The following ANO4 variants were observed in gnomAD, a reference collection of about 807,000 sequenced individuals.
ANO4 encodes the protein anoctamin 4.
In ANO4, 69 loss-of-function variants were observed where a neutral mutation model predicts 141.9. That is an observed-to-expected ratio of 0.49 (90% CI 0.40 to 0.59). The LOEUF is 0.59. Among genes scored for constraint, ANO4 ranks in the 20% least tolerant of loss-of-function variants. ANO4 has a pLI of 0.00. For synonymous variants in ANO4, 350 were observed against 394.3 expected, an observed-to-expected ratio of 0.89 and a Z score of 1.33; for missense variants, 894 against 1,162.2, an observed-to-expected ratio of 0.77 and a Z score of 3.36.
At chr12:100,911,967 C>T (rs537933463) in intron 2 of ANO4, among the ~76,000 whole-genome samples, 2 of 152,228 alleles carry the variant, frequency 1.3e-5, no homozygotes, top group Admixed American at 1.3e-4. Context: ...AATTTTTCTC[C>T]TGCATTTCAT....
At chr12:101,089,681 G>A (rs1157979781) in intron 17 of ANO4, among the ~76,000 whole-genome samples, 1 of 152,152 alleles carries the variant, frequency 6.6e-6, no homozygotes, top group African/African-American at 2.4e-5. Context: ...TGCCTGTGTG[G>A]CATGGGCAAA....
chr12:100,750,340 C>T (rs1453015111), intron 3 of ANO4, among the ~76,000 whole-genome samples: 5 of 143,128 alleles, frequency 3.5e-5, no homozygotes, highest in African/African-American at 5.3e-5. Flanking sequence ...GACAGGGTTT[C>T]GTCATGTTGG....
At chr12:101,028,833 C>T (rs1270247038) in intron 9 of ANO4, among the ~76,000 whole-genome samples, 1 of 152,084 alleles carries the variant, frequency 6.6e-6, no homozygotes, top group African/African-American at 2.4e-5. Context: ...ACAGAGAACA[C>T]CACTAAAGTA....
chr12:101,110,589 A>T, intron 23 of ANO4, 33 bp downstream of exon 23: 2 of 1,504,308 alleles, frequency 1.3e-6, no homozygotes, highest in South Asian at 1.4e-5. Flanking sequence ...TTTAAAAAAC[A>T]TATTAAACAT....
chr12:101,089,515 A>G (rs2136916626), intron 17 of ANO4, among the ~76,000 whole-genome samples: 1 of 152,250 alleles, frequency 6.6e-6, no homozygotes, highest in African/African-American at 2.4e-5. Context: ...TACACATTGT[A>G]GGTAGAGAGT....
intron 12 of ANO4, 149 bp from the exon 13 acceptor site, chr12:101,043,390 T>G: frequency 1.8e-6 from 1 of 566,768 alleles, no homozygotes; most frequent in Non-Finnish European, 3.1e-6. Context: ...GGCAAGAACT[T>G]GTTTACATTA....
chr12:100,874,491 A>G (rs1029603863), intron 1 of ANO4, among the ~76,000 whole-genome samples: 35 of 152,050 alleles, frequency 2.3e-4, no homozygotes, highest in African/African-American at 8.5e-4. Context: ...GTCAAAGGAG[A>G]TTATTTTGGA....
In ANO4 at chr12:100,806,527, T is replaced by TC. The variant is rs2035052286; in HGVS notation, c.-141+11500_-141+11501insC. 1.8e-4 allele frequency among the ~76,000 whole-genome samples: 5 copies of TC among 28,016 alleles called. 1 individual carries two copies. Among genetic ancestry groups the TC allele is most frequent in the African/African-American group, 9.8e-4 (4 of 4,086 alleles). The allele number at this position is 28,016 out of a possible 152,430, so 18.4% of individuals were successfully genotyped here. A position where few individuals can be genotyped will look rare whatever the true frequency, so the allele number is the denominator to read the frequency against. On this transcript the variant is annotated intron_variant, in intron 1 of 27. Transcript: ENST00000392977. ...TAGGAGGTTTTTTTTTTGTTTCGTT[T>TC]TTTTTTTTTTTTTTTTTTTTTTTTT...
intron 3 of ANO4, among the ~76,000 whole-genome samples, chr12:100,929,083 A>G (rs2041988537): frequency 6.6e-6 from 1 of 152,144 alleles, no homozygotes; most frequent in African/African-American, 2.4e-5. Flanking sequence ...TAAATGGGGT[A>G]TCCACCACCT....
intron 2 of ANO4, among the ~76,000 whole-genome samples, chr12:100,919,777 T>TATC (rs2041546249): frequency 6.6e-6 from 1 of 150,688 alleles, no homozygotes; most frequent in South Asian, 2.1e-4. Context: ...TCTATCTATC[T>TATC]ATCTAATCTA....
chr12:100,785,295 T>C (rs537564388), intron 3 of ANO4, among the ~76,000 whole-genome samples: 2 of 152,192 alleles, frequency 1.3e-5, no homozygotes, highest in East Asian at 3.9e-4. Context: ...CTTGGTATGG[T>C]ATATTCTATG....
chr12:100,844,566 A>G (rs1246257401), intron 1 of ANO4, among the ~76,000 whole-genome samples: 5 of 152,132 alleles, frequency 3.3e-5, no homozygotes, highest in Non-Finnish European at 7.3e-5. Context: ...CTGAAGTGAC[A>G]GGAACTCCCA....
At chr12:100,879,873 G>A (rs529244066) in intron 1 of ANO4, among the ~76,000 whole-genome samples, 1 of 152,298 alleles carries the variant, frequency 6.6e-6, no homozygotes, top group African/African-American at 2.4e-5. Context: ...GGTTATAATA[G>A]AAGTATGTAA....
chr12:100,830,404 G>A (rs1012778144), intron 1 of ANO4, among the ~76,000 whole-genome samples: 1 of 152,020 alleles, frequency 6.6e-6, no homozygotes, highest in African/African-American at 2.4e-5. Context: ...TGTTTAATGC[G>A]CTTTGAGAAT....
intron 3 of ANO4, among the ~76,000 whole-genome samples, chr12:100,938,461 T>C (rs1008132307): frequency 3.3e-5 from 5 of 152,344 alleles, no homozygotes; most frequent in Admixed American, 6.5e-5. Context: ...TTTTGTGCAG[T>C]GGCTTCTGAC....
intron 1 of ANO4, among the ~76,000 whole-genome samples, chr12:100,870,334 T>C (rs1196707932): frequency 6.6e-6 from 1 of 152,210 alleles, no homozygotes; most frequent in Non-Finnish European, 1.5e-5. Flanking sequence ...GTCTGCAAAA[T>C]AATTACATCC....
At chr12:101,053,910 G>A (rs917749732) in intron 14 of ANO4, among the ~76,000 whole-genome samples, 26 of 152,138 alleles carry the variant, frequency 1.7e-4, no homozygotes, top group African/African-American at 2.7e-4. Context: ...GTTATAATCC[G>A]GGAAGGGACA....
At chr12:100,925,985 T>C (rs1158254451) in intron 3 of ANO4, among the ~76,000 whole-genome samples, 1 of 151,900 alleles carries the variant, frequency 6.6e-6, no homozygotes, top group African/African-American at 2.4e-5. Context: ...CCAAAGTATC[T>C]CTTTTCAATC....
intron 5 of ANO4, among the ~76,000 whole-genome samples, chr12:100,967,010 C>T (rs1052288704): frequency 6.6e-6 from 1 of 151,986 alleles, no homozygotes; most frequent in African/African-American, 2.4e-5. Flanking sequence ...GTGACTGTTA[C>T]ATACCAAGGC....
Sources: allele counts gnomAD v4.1 joint callset (sites outside exome capture counted in the v4.1 genomes callset), GRCh38; gene constraint gnomAD v4.1.1; transcripts MANE v1.5; gene names NCBI Gene and HGNC (gene_info 2026-07-23, HGNC 2026-07-21).